Variants in EPRS1 observed in about 807,000 individuals in gnomAD.
EPRS1 encodes the protein bifunctional glutamate/proline--tRNA ligase.
EPRS1 carries 107 observed loss-of-function variants against 188.3 expected under a neutral mutation model. The ratio of observed to expected loss-of-function variants is 0.57; its 90% CI spans 0.49 to 0.67. The LOEUF (loss-of-function observed/expected upper bound fraction) is 0.67. Among genes scored for constraint, EPRS1 ranks in the 30% least tolerant of loss-of-function variants. The pLI is 0.00. For missense variants in EPRS1, 1,577 were observed against 1,802.2 expected (o/e 0.88, Z 2.26); for synonymous variants, 596 against 593.1 (o/e 1.00, Z -0.07).
At chr1:220,021,355 G>GT (rs925393058) in intron 9 of EPRS1, among the ~76,000 whole-genome samples, 53 of 147,050 alleles carry the variant, frequency 3.6e-4, no homozygotes, top group East Asian at 1.0e-3. Flanking sequence ...TACCTGGCTA[G>GT]TTTTTTTTTT....
At chr1:220,034,443 A>T (rs1662139561) in intron 3 of EPRS1, among the ~76,000 whole-genome samples, 1 of 151,826 alleles carries the variant, frequency 6.6e-6, no homozygotes, top group African/African-American at 2.4e-5. Context: ...TCCCATTGTT[A>T]AGAGGCACAT....
chr1:220,011,922 A>AT lies in EPRS1; in HGVS notation c.1495-867dup, dbSNP rs1196987344. Among the ~76,000 whole-genome samples, 3 of 152,140 alleles carry AT rather than the reference A, an allele frequency of 2.0e-5. No individual in the cohort carries two copies. The East Asian group carries it at 5.8e-4, about 29-fold the overall frequency. On this transcript the variant is annotated intron_variant, in intron 12 of 31. Transcript: ENST00000366923. ...GTCAAACAGCTAAGTAATGGAAGTTATTTTTTCTCATTAGAAGAATGCAGA... is the reference window on the plus strand; with the variant it reads ...GTCAAACAGCTAAGTAATGGAAGTTATTTTTTTCTCATTAGAAGAATGCAGA...
rs749389532 is a variant in EPRS1, at chr1:220,034,967, T to C, written c.178A>G (p.Arg60Gly). Reference sequence around the variant, plus strand: ...TATAACCCAGCTGTAGTTGCAACTCTAGCCAAGTAGCGAAGTATAGAATTC... The same window carrying C: ...TATAACCCAGCTGTAGTTGCAACTCCAGCCAAGTAGCGAAGTATAGAATTC... The part of the protein sequence containing the change: ...DVNSILRYLA[R>G]VATTAGLYGS... The change falls in exon 3 of 32, where the codon AGA (arginine) becomes GGA (glycine). Residue 60 changes from arginine (R) to glycine (G), a missense_variant. Transcript: ENST00000366923. 9 of 1,601,668 alleles carry C rather than the reference T, an allele frequency of 5.6e-6. No homozygotes were observed. The Admixed American group carries it at 1.4e-4, about 25-fold the overall frequency.
intron 7 of EPRS1, 186 bp downstream of exon 7, chr1:220,024,946 T>C (rs61830400): frequency 0.12 from 70,731 of 574,598 alleles, 8,551 homozygotes; most frequent in East Asian, 0.39. Flanking sequence ...AAAGGAAAAA[T>C]AACTCTTAAG....
At chr1:220,021,410 G>A (rs1368466791) in intron 9 of EPRS1, among the ~76,000 whole-genome samples, 1 of 151,326 alleles carries the variant, frequency 6.6e-6, no homozygotes, top group Non-Finnish European at 1.5e-5. Context: ...TGTTTCCCAC[G>A]CTGGTTTCAA....
At chr1:220,031,828 T>A (rs1662088744) in intron 5 of EPRS1, among the ~76,000 whole-genome samples, 1 of 152,166 alleles carries the variant, frequency 6.6e-6, no homozygotes, top group African/African-American at 2.4e-5. Flanking sequence ...TGCAAAGGTG[T>A]AAAATTAATG....
rs1170090251 is a variant in EPRS1, at chr1:219,968,780, T to C, written c.*26A>G. 1 of 1,611,334 alleles carries C rather than the reference T, an allele frequency of 6.2e-7. No homozygotes were observed. Among genetic ancestry groups the C allele is most frequent in the East Asian group, 2.2e-5 (1 of 44,840 alleles). ...TCAATGCTTTAAAAAGTGAGAGGAG[T>C]TGAAGAGGGGGCTTTCGTTCATCCC... On this transcript the variant is annotated 3_prime_UTR_variant, in exon 32 of 32. Transcript: ENST00000366923.
chr1:220,018,590 G>GAAGA, intron 11 of EPRS1, 82 bp from the exon 12 acceptor site: 1 of 615,324 alleles, frequency 1.6e-6, no homozygotes, highest in Admixed American at 2.9e-5. Flanking sequence ...AGCATGTTTA[G>GAAGA]AAAAAAAAAA....
Position 219,968,875 on chromosome 1 carries a change from C to T in EPRS1, c.4470G>A (p.Gln1490=), listed in dbSNP as rs766281610. 1.1e-5 allele frequency: 18 copies of T among 1,614,024 alleles called. No homozygotes were observed. Among genetic ancestry groups the T allele is most frequent in the Non-Finnish European group, 8.5e-7 (1 of 1,180,000 alleles). ...TGCCACAGACACATTTGGCTCCAGG[C>T]TGCAGTTCACAGAGTGGTTTGAAGG... is the stretch of plus-strand genomic sequence containing the variant. The part of the protein sequence containing the change: ...CIPFKPLCEL[Q]PGAKCVCGKN... Residue 1490 remains glutamine (Q), a synonymous_variant, in exon 32 of 32, where the codon CAG becomes CAA. Transcript: ENST00000366923.
At position 219,994,388 on chromosome 1, in the gene EPRS1, T is replaced by C. The variant is rs551594730; in HGVS notation, c.2541+2595A>G. 1.2e-4 allele frequency among the ~76,000 whole-genome samples: 18 copies of C among 152,276 alleles called. No homozygotes were observed. The East Asian group carries it at 3.5e-3, about 29-fold the overall frequency. On this transcript the variant is annotated intron_variant, in intron 18 of 31. Coordinates refer to ENST00000366923, the MANE Select transcript of EPRS1 (RefSeq NM_004446.3). The stretch of plus-strand genomic sequence containing the variant: ...GGCCACCCAAAACCCTGAACTAGAA[T>C]AAATGGGTAAATAATTATCTTGTCT...
chr1:219,983,762 G>A (rs188123212), intron 21 of EPRS1, among the ~76,000 whole-genome samples: 7 of 152,018 alleles, frequency 4.6e-5, no homozygotes, highest in East Asian at 3.9e-4. Context: ...GCGTGGTAGC[G>A]TGTGCCTGTA....
rs186090325 is a variant in EPRS1 at position 220,035,685 on chromosome 1, T to G, written c.132-672A>C. On this transcript the variant is annotated intron_variant, in intron 2 of 31. Coordinates refer to ENST00000366923, the MANE Select transcript of EPRS1 (RefSeq NM_004446.3). ...CTCTACTAAAAACACAAAAATTAGC[T>G]AGGCATAGTGGCATGCACCTGTGCT... Among the ~76,000 whole-genome samples the G allele has an allele frequency of 9.0e-4, 134 of 149,106 alleles. 1 individual carries two copies. Among genetic ancestry groups the G allele is most frequent in the African/African-American group, 3.1e-3 (127 of 40,590 alleles).
chr1:220,046,023 G>T (rs956741627), intron 1 of EPRS1, among the ~76,000 whole-genome samples: 4 of 152,130 alleles, frequency 2.6e-5, no homozygotes, highest in African/African-American at 9.7e-5. Context: ...CTCTCCGGGG[G>T]AAAAAGGGAG....
In EPRS1 at chr1:219,995,928, G is replaced by A. The variant is rs1373325107; in HGVS notation, c.2541+1055C>T. On this transcript the variant is annotated intron_variant, in intron 18 of 31. Coordinates refer to ENST00000366923, the MANE Select transcript of EPRS1 (RefSeq NM_004446.3). Reference sequence around the variant, plus strand: ...ACATTTTAGAACAAATCCCCTTCCCGCCACACAAGTCAAGCCTAGTGGTGT... The same window carrying A: ...ACATTTTAGAACAAATCCCCTTCCCACCACACAAGTCAAGCCTAGTGGTGT... Among the ~76,000 whole-genome samples, 8 of 152,076 alleles carry A rather than the reference G, an allele frequency of 5.3e-5. No homozygotes were observed. In the East Asian group the frequency reaches 7.7e-4, roughly 15 times the overall value.
Position 219,987,134 on chromosome 1 carries a change from T to C in EPRS1, c.3038+8A>G, listed in dbSNP as rs755590572. On this transcript the variant is annotated splice_region_variant and intron_variant, in intron 20 of 31. Transcript: ENST00000366923. ...TTTGCTTCAAATGAAGTTTCTGCGATTCATTACCTGGTCTGTTTCTTAGGC... is the reference window on the plus strand; with the variant it reads ...TTTGCTTCAAATGAAGTTTCTGCGACTCATTACCTGGTCTGTTTCTTAGGC... The C allele has an allele frequency of 6.3e-6, 10 of 1,593,332 alleles. No homozygotes were observed. The highest frequency in any genetic ancestry group is 1.7e-4 in the Middle Eastern group (1 of 5,934).
chr1:219,975,752 T>TA (rs542208644), intron 28 of EPRS1, among the ~76,000 whole-genome samples: 120 of 152,318 alleles, frequency 7.9e-4, no homozygotes, highest in Non-Finnish European at 9.0e-4. Context: ...TATGGTTTTT[T>TA]ATTGGAATTT....
chr1:219,990,674 T>C (rs1258031658), intron 18 of EPRS1, among the ~76,000 whole-genome samples: 1 of 152,172 alleles, frequency 6.6e-6, no homozygotes, highest in Admixed American at 6.5e-5. Flanking sequence ...TTAATCCTAG[T>C]AACATGCTAG....
At chr1:220,014,294 C>T (rs1273280299) in intron 12 of EPRS1, among the ~76,000 whole-genome samples, 1 of 151,188 alleles carries the variant, frequency 6.6e-6, no homozygotes, top group East Asian at 2.0e-4. Context: ...CGCCACTGCA[C>T]GGTAGCCTGG....
chr1:220,005,817 G>GTTTTTTTTTTTTT (rs765781858), intron 15 of EPRS1, among the ~76,000 whole-genome samples: 7 of 119,656 alleles, frequency 5.9e-5, no homozygotes, highest in African/African-American at 1.0e-4. Context: ...TACTTACATC[G>GTTTTTTTTTTTTT]TTTTTTTTTT....
Sources: gnomAD v4.1 joint callset for allele counts (sites outside exome capture counted in the v4.1 genomes callset) on GRCh38, gnomAD v4.1.1 for gene constraint, MANE v1.5 for transcripts, NCBI Gene and HGNC (gene_info 2026-07-23, HGNC 2026-07-21) for gene names.